RSPH9: variants seen among roughly 807,000 people sequenced by gnomAD.
RSPH9 encodes radial spoke head component 9.
In RSPH9, 27 loss-of-function variants were observed where a neutral mutation model predicts 27.0. That is an observed-to-expected ratio of 1.00 (90% CI 0.74 to 1.38). The LOEUF (loss-of-function observed/expected upper bound fraction) is 1.38. Ranked by LOEUF, RSPH9 falls within the 40% of genes most tolerant of loss-of-function variation. The probability of loss-of-function intolerance (pLI) is 0.00; values close to 1 mark genes in which losing one functional copy is unlikely to be tolerated. For synonymous variants in RSPH9, 145 were observed against 147.7 expected (o/e 0.98, Z 0.13); for missense variants, 347 against 357.4 (o/e 0.97, Z 0.24).
In RSPH9 at chr6:43,645,107, C is replaced by G. The variant is rs1455697260; in HGVS notation, c.9C>G (p.Ala3=). 1.2e-6 allele frequency: 2 copies of G among 1,611,484 alleles called. No homozygotes were observed. The highest frequency in any genetic ancestry group is 3.3e-5 in the Admixed American group (2 of 60,002). MD[A]DSLLLSLELA... is the part of the protein sequence containing the mutation. ...GCGGAGCCGCTGACCTGATGGACGC[C>G]GACAGCCTCCTGCTGTCTCTGGAGC... Residue 3 remains alanine (A), a synonymous_variant, in exon 1 of 5, where the codon GCC becomes GCG. Coordinates refer to ENST00000372163, the MANE Select transcript of RSPH9 (RefSeq NM_152732.5).
In RSPH9 at chr6:43,671,438, G is replaced by A; in HGVS notation, c.*489G>A. 2.3e-6 allele frequency: 1 copy of A among 440,240 alleles called. No individual in the cohort carries two copies. The highest frequency in any genetic ancestry group is 4.1e-6 in the Non-Finnish European group (1 of 241,704). The allele number at this position is 440,240 out of a possible 1,614,324, so 27.3% of individuals were successfully genotyped here. ...ACCCCCTGCACTTCCCAAGCAGTGA[G>A]CGCACACCCAATGGGTAAGCCCATG... On this transcript the variant is annotated 3_prime_UTR_variant, in exon 5 of 5. Transcript: ENST00000372163.
chr6:43,671,784 G>A lies in RSPH9; in HGVS notation c.*835G>A. On this transcript the variant is annotated 3_prime_UTR_variant, in exon 5 of 5. Transcript: ENST00000372163. ...CTGTCAGTGATACAGCTTCCAAGGT[G>A]TTCTTGAGTAGCAGACATTGTCCCT... The A allele has an allele frequency of 6.2e-7, 1 of 1,614,222 alleles. No homozygotes were observed. Among genetic ancestry groups the A allele is most frequent in the Non-Finnish European group, 8.5e-7 (1 of 1,180,022 alleles).
In RSPH9 at chr6:43,670,937, C is replaced by T. The variant is rs79412180; in HGVS notation, c.819C>T (p.Pro273=). The T allele has an allele frequency of 2.6e-4, 424 of 1,614,184 alleles. 2 individuals are homozygous for T. The East Asian group carries it at 9.3e-3, about 35-fold the overall frequency. ...VGTGEKNMDL[P]FML ...CTGGCGAGAAGAACATGGACTTGCCCTTCATGCTATAGAATGGGAGCCAGC... is the reference window on the plus strand; with the variant it reads ...CTGGCGAGAAGAACATGGACTTGCCTTTCATGCTATAGAATGGGAGCCAGC... Residue 273 remains proline, a synonymous_variant, in exon 5 of 5, where the codon CCC becomes CCT. Transcript: ENST00000372163.
intron 1 of RSPH9, among the ~76,000 whole-genome samples, chr6:43,645,935 C>G (rs150268335): frequency 2.5e-4 from 38 of 152,252 alleles, no homozygotes; most frequent in African/African-American, 8.9e-4. Flanking sequence ...CACTACCATA[C>G]AGGACCATCC....
At chr6:43,670,618 A>C (rs1183435957) in intron 4 of RSPH9, among the ~76,000 whole-genome samples, 171 bp from the exon 5 acceptor site, 1 of 152,174 alleles carries the variant, frequency 6.6e-6, no homozygotes, top group African/African-American at 2.4e-5. Context: ...CGAAAAGAAT[A>C]ATGGCTAAAA....
intron 4 of RSPH9, among the ~76,000 whole-genome samples, chr6:43,669,857 G>A (rs530338551): frequency 6.6e-6 from 1 of 152,318 alleles, no homozygotes; most frequent in South Asian, 2.1e-4. Flanking sequence ...CTCCTGTGTG[G>A]GGAGACAAAA....
At chr6:43,659,414 G>T (rs1296965571) in intron 4 of RSPH9, among the ~76,000 whole-genome samples, 1 of 148,566 alleles carries the variant, frequency 6.7e-6, no homozygotes, top group Admixed American at 6.7e-5. Flanking sequence ...ACGGAGTCTC[G>T]CTCTGTCGCC....
chr6:43,654,917 G>T (rs1431283734), intron 2 of RSPH9, among the ~76,000 whole-genome samples: 1 of 152,200 alleles, frequency 6.6e-6, no homozygotes, highest in African/African-American at 2.4e-5. Context: ...GGAGGCTGAG[G>T]TGGGAGGATC....
Position 43,656,692 on chromosome 6 carries a change from C to A in RSPH9, c.639C>A (p.Phe213Leu). Residue 213 changes from phenylalanine (F) to leucine (L), a missense_variant, in exon 4 of 5, where the codon TTC becomes TTA. By Grantham distance (22) the Phe-to-Leu change is conservative (BLOSUM62 0). Coordinates refer to ENST00000372163, the MANE Select transcript of RSPH9 (RefSeq NM_152732.5). ...CTGACCTGGACCCCTCCCTGGATTT[C>A]ATGGACTCCTTGGAGCATGACATTC... ...EKADLDPSLDFMDSLEHDIPK... is the reference protein window; with the variant it reads ...EKADLDPSLDLMDSLEHDIPK... 1 of 1,614,226 alleles carries A rather than the reference C, an allele frequency of 6.2e-7. No homozygotes were observed. The highest frequency in any genetic ancestry group is 1.3e-5 in the African/African-American group (1 of 75,060).
At chr6:43,662,507 T>C (rs1425381027) in intron 4 of RSPH9, among the ~76,000 whole-genome samples, 2 of 151,882 alleles carry the variant, frequency 1.3e-5, no homozygotes, top group Non-Finnish European at 2.9e-5. Context: ...GCTGGGACTA[T>C]AGGCGCCCGC....
At chr6:43,658,837 C>G (rs543779984) in intron 4 of RSPH9, among the ~76,000 whole-genome samples, 1 of 152,274 alleles carries the variant, frequency 6.6e-6, no homozygotes, top group East Asian at 1.9e-4. Context: ...AGCCACCATG[C>G]CCAGACATGC....
intron 4 of RSPH9, among the ~76,000 whole-genome samples, chr6:43,668,795 G>C (rs1267714979): frequency 6.6e-6 from 1 of 152,236 alleles, no homozygotes; most frequent in African/African-American, 2.4e-5. Flanking sequence ...ATAGAGATGA[G>C]GCAGTCTGGT....
At chr6:43,659,982 C>T (rs915816601) in intron 4 of RSPH9, among the ~76,000 whole-genome samples, 20 of 151,022 alleles carry the variant, frequency 1.3e-4, no homozygotes, top group Admixed American at 1.2e-3. Context: ...GTGATCTGCC[C>T]GCCTTGGCCT....
intron 4 of RSPH9, among the ~76,000 whole-genome samples, chr6:43,662,253 A>G (rs1278736449): frequency 6.6e-6 from 1 of 152,206 alleles, no homozygotes; most frequent in African/African-American, 2.4e-5. Context: ...AGAATTGAAG[A>G]GAGTTAAGGC....
chr6:43,662,781 CA>C (rs1772764795), intron 4 of RSPH9, among the ~76,000 whole-genome samples: 1 of 152,148 alleles, frequency 6.6e-6, no homozygotes, highest in African/African-American at 2.4e-5. Context: ...GCCTATCTTT[CA>C]GCCTATCTCA....
intron 4 of RSPH9, among the ~76,000 whole-genome samples, chr6:43,663,991 T>C (rs1474962190): frequency 1.4e-5 from 2 of 146,510 alleles, no homozygotes; most frequent in African/African-American, 2.6e-5. Flanking sequence ...ATCACGCCAC[T>C]GCACTCCAGC....
Position 43,672,073 on chromosome 6 carries a change from G to A in RSPH9, c.*1124G>A, listed in dbSNP as rs560004881. ...ATTTTCCTGGGAGTAACTGCTGAGCGTCCTGTAAACAGATGGGCTGGGCTC... is the reference window on the plus strand; with the variant it reads ...ATTTTCCTGGGAGTAACTGCTGAGCATCCTGTAAACAGATGGGCTGGGCTC... On this transcript the variant is annotated 3_prime_UTR_variant, in exon 5 of 5. Coordinates refer to ENST00000372163, the MANE Select transcript of RSPH9 (RefSeq NM_152732.5). 24 of 826,046 alleles carry A rather than the reference G, an allele frequency of 2.9e-5. No individual in the cohort carries two copies. The South Asian group carries it at 2.9e-4, about 10-fold the overall frequency. 51.2% of individuals were successfully genotyped at this position (826,046 alleles called of 1,614,324 possible).
chr6:43,645,376 G>T, intron 1 of RSPH9, 51 bp downstream of exon 1: 1 of 1,180,880 alleles, frequency 8.5e-7, no homozygotes, highest in South Asian at 1.2e-5. Context: ...CCTGGAGGCA[G>T]GGCGGGGTGG....
At chr6:43,667,631 G>T (rs779974280) in intron 4 of RSPH9, among the ~76,000 whole-genome samples, 1 of 152,218 alleles carries the variant, frequency 6.6e-6, no homozygotes, top group Non-Finnish European at 1.5e-5. Flanking sequence ...GGGCCACGGG[G>T]CCTGCCTTTG....
Sources: gnomAD v4.1 joint callset for allele counts (sites outside exome capture counted in the v4.1 genomes callset) on GRCh38, gnomAD v4.1.1 for gene constraint, MANE v1.5 for transcripts, NCBI Gene and HGNC (gene_info 2026-07-23, HGNC 2026-07-21) for gene names.